Variants in WDTC1 observed in about 807,000 individuals in gnomAD.
The protein encoded by WDTC1 is WD and tetratricopeptide repeats 1.
Under a neutral mutation model 76.0 loss-of-function variants are expected in WDTC1, and 12 were observed. That is an observed-to-expected ratio of 0.16 (90% confidence interval 0.10 to 0.26). WDTC1 has a LOEUF of 0.26. Ranked by LOEUF, WDTC1 falls within the 10% of genes least tolerant of loss-of-function variation. The pLI, the probability that WDTC1 is intolerant of heterozygous loss-of-function variation, is 1.00. For missense variants in WDTC1, 511 were observed against 908.8 expected (o/e 0.56, Z 5.63); for synonymous variants, 326 against 350.8 (o/e 0.93, Z 0.79).
chr1:27,283,477 A>T, intron 5 of WDTC1, 28 bp downstream of exon 5: 4 of 1,606,482 alleles, frequency 2.5e-6, no homozygotes, highest in Non-Finnish European at 8.5e-7. Flanking sequence ...CAGAGCAAGC[A>T]CAAGCCACAG....
At chr1:27,297,844 A>G in intron 11 of WDTC1, 94 bp from the exon 12 acceptor site, 1 of 1,384,118 alleles carries the variant, frequency 7.2e-7, no homozygotes, top group Non-Finnish European at 9.6e-7. Flanking sequence ...GGGGCCAAGA[A>G]AATCTGGGTG....
At chr1:27,289,153 G>A (rs1209885222) in intron 6 of WDTC1, among the ~76,000 whole-genome samples, 4 of 149,134 alleles carry the variant, frequency 2.7e-5, no homozygotes, top group Admixed American at 6.6e-5. Flanking sequence ...CAGTAGGGGC[G>A]GCCGGGCAGA....
intron 3 of WDTC1, among the ~76,000 whole-genome samples, chr1:27,280,700 T>C (rs1450682050): frequency 2.0e-5 from 3 of 152,226 alleles, no homozygotes; most frequent in African/African-American, 7.2e-5. Flanking sequence ...TCATGCTCTT[T>C]GACATTGACC....
chr1:27,271,970 G>A (rs957506541), intron 3 of WDTC1, among the ~76,000 whole-genome samples: 1 of 149,532 alleles, frequency 6.7e-6, no homozygotes, highest in Non-Finnish European at 1.5e-5. Flanking sequence ...AATAGGCTAG[G>A]CACGGTGGCT....
intron 13 of WDTC1, among the ~76,000 whole-genome samples, chr1:27,302,553 A>C (rs1466413015): frequency 6.6e-6 from 1 of 152,022 alleles, no homozygotes; most frequent in Non-Finnish European, 1.5e-5. Context: ...AGGACAACAT[A>C]GCAAGATCCC....
At chr1:27,294,220 T>C in intron 8 of WDTC1, 104 bp downstream of exon 8, 1 of 1,243,116 alleles carries the variant, frequency 8.0e-7, no homozygotes, top group Non-Finnish European at 1.1e-6. Flanking sequence ...AGCAAGGGTT[T>C]TAGAGTCAGA....
At chr1:27,254,348 G>A (rs1196873650) in intron 1 of WDTC1, among the ~76,000 whole-genome samples, 1 of 152,084 alleles carries the variant, frequency 6.6e-6, no homozygotes, top group Non-Finnish European at 1.5e-5. Context: ...TGTAATCCCA[G>A]CACTTTGGGA....
At chr1:27,279,767 A>C (rs577706858) in intron 3 of WDTC1, among the ~76,000 whole-genome samples, 1 of 152,090 alleles carries the variant, frequency 6.6e-6, no homozygotes, top group Admixed American at 6.5e-5. Flanking sequence ...GCATCTCACT[A>C]TGTTGTCCAG....
At chr1:27,270,476 T>C (rs1053597361) in intron 3 of WDTC1, among the ~76,000 whole-genome samples, 1 of 152,094 alleles carries the variant, frequency 6.6e-6, no homozygotes, top group Non-Finnish European at 1.5e-5. Flanking sequence ...GCGGATTCCT[T>C]GAGCTCAGGA....
At chr1:27,273,355 C>T (rs2012928647) in intron 3 of WDTC1, among the ~76,000 whole-genome samples, 1 of 151,666 alleles carries the variant, frequency 6.6e-6, no homozygotes, top group Non-Finnish European at 1.5e-5. Flanking sequence ...ACTACAGGCG[C>T]CCGCCACCAC....
Position 27,263,305 on chromosome 1 carries a change from T to G in WDTC1, c.132+70T>G, listed in dbSNP as rs1435272534. The G allele has an allele frequency of 2.0e-6, 3 of 1,510,422 alleles. No individual in the cohort carries two copies. In the East Asian group the frequency reaches 6.9e-5, roughly 35 times the overall value. 93.6% of individuals were successfully genotyped at this position (1,510,422 alleles called of 1,614,324 possible). ...CATTCTCTGCCTGCAGAAATCCTCTTGGCCTTATCAAGGCATAAACAAGTG... is the reference window on the plus strand; with the variant it reads ...CATTCTCTGCCTGCAGAAATCCTCTGGGCCTTATCAAGGCATAAACAAGTG... On this transcript the variant is annotated intron_variant, in intron 3 of 15. Coordinates refer to ENST00000319394, the MANE Select transcript of WDTC1 (RefSeq NM_001276252.2).
At chr1:27,259,105 AAGTC>A (rs769651489) in intron 1 of WDTC1, among the ~76,000 whole-genome samples, 3 of 152,152 alleles carry the variant, frequency 2.0e-5, no homozygotes, top group Non-Finnish European at 2.9e-5. Flanking sequence ...AAAGTAGAAA[AAGTC>A]AGTCATATCA....
chr1:27,265,777 C>G (rs1009685856), intron 3 of WDTC1, among the ~76,000 whole-genome samples: 2 of 152,000 alleles, frequency 1.3e-5, no homozygotes, highest in African/African-American at 4.8e-5. Context: ...GAAAGCCCAT[C>G]TCTACAAAAA....
chr1:27,286,529 G>GC (rs1188819564), intron 5 of WDTC1, among the ~76,000 whole-genome samples: 4 of 147,286 alleles, frequency 2.7e-5, no homozygotes, highest in Admixed American at 2.0e-4. Flanking sequence ...GAGTGCAGTG[G>GC]CGTGATCTCA....
chr1:27,296,211 C>A, intron 9 of WDTC1, 115 bp from the exon 10 acceptor site: 1 of 1,223,932 alleles, frequency 8.2e-7, no homozygotes, highest in Non-Finnish European at 1.2e-6. Context: ...GTTCTATGCT[C>A]AACACTCACT....
chr1:27,246,254 C>T (rs941982644), intron 1 of WDTC1, among the ~76,000 whole-genome samples: 7 of 152,220 alleles, frequency 4.6e-5, no homozygotes, highest in African/African-American at 1.7e-4. Context: ...CTCCCCAACA[C>T]TCCCATCTCT....
rs34447091 is a variant in WDTC1 at position 27,269,164 on chromosome 1, C to CAAA, written c.132+5954_132+5956dup. 6.3e-3 allele frequency among the ~76,000 whole-genome samples: 372 copies of CAAA among 58,838 alleles called. 70 individuals are homozygous for CAAA. The highest frequency in any genetic ancestry group is 0.03 in the Middle Eastern group (2 of 66). The allele number at this position is 58,838 out of a possible 152,430, so 38.6% of individuals were successfully genotyped here. Reference sequence around the variant, plus strand: ...GTAACATAAGGAGGCCCTGTTTCTCCAAAAAAAAAAAAAAAAAAAAAAAAA... The same window carrying CAAA: ...GTAACATAAGGAGGCCCTGTTTCTCCAAAAAAAAAAAAAAAAAAAAAAAAAAAA... On this transcript the variant is annotated intron_variant, in intron 3 of 15. Coordinates refer to ENST00000319394, the MANE Select transcript of WDTC1 (RefSeq NM_001276252.2).
At chr1:27,247,941 C>T (rs1345488126) in intron 1 of WDTC1, among the ~76,000 whole-genome samples, 3 of 152,130 alleles carry the variant, frequency 2.0e-5, no homozygotes, top group Admixed American at 6.6e-5. Flanking sequence ...TGGTCTTGAA[C>T]TGCTGACCTC....
chr1:27,241,111 A>G (rs949906823), intron 1 of WDTC1, among the ~76,000 whole-genome samples: 1 of 152,154 alleles, frequency 6.6e-6, no homozygotes, highest in Non-Finnish European at 1.5e-5. Context: ...TTTGAGGGTC[A>G]CCGTTGGCAT....
Sources: allele counts gnomAD v4.1 joint callset (sites outside exome capture counted in the v4.1 genomes callset), GRCh38; gene constraint gnomAD v4.1.1; transcripts MANE v1.5; gene names NCBI Gene and HGNC (gene_info 2026-07-23, HGNC 2026-07-21).